The following FRMPD4 variants were observed in gnomAD, a reference collection of about 807,000 sequenced individuals.
The protein encoded by FRMPD4 is FERM and PDZ domain-containing protein 4.
Under a neutral mutation model 94.1 loss-of-function variants are expected in FRMPD4, and 22 were observed. The observed-to-expected ratio is 0.23, with a 90% confidence interval of 0.17 to 0.33. FRMPD4 has a LOEUF of 0.33. FRMPD4 is among the 10% of genes least tolerant of loss of function. The pLI, the probability that FRMPD4 is intolerant of heterozygous loss-of-function variation, is 1.00. For synonymous variants in FRMPD4, 631 were observed against 548.6 expected, an observed-to-expected ratio of 1.15 and a Z score of -2.10; for missense variants, 1,111 against 1,339.9, an observed-to-expected ratio of 0.83 and a Z score of 2.67.
At chrX:12,406,275 G>A (rs891569376) in intron 1 of FRMPD4, among the ~76,000 whole-genome samples, 1 of 111,565 alleles carries the variant, frequency 9.0e-6, no homozygotes, top group African/African-American at 3.3e-5. Flanking sequence ...CAGATTTTCA[G>A]GAAATTTTCT....
At chrX:12,027,624 C>A (rs2054668196) in intron 3 of FRMPD4, among the ~76,000 whole-genome samples, 1 of 110,869 alleles carries the variant, frequency 9.0e-6, no homozygotes, top group Non-Finnish European at 1.9e-5. Context: ...AAAAAAAAAT[C>A]AAATAAAAAT....
intron 3 of FRMPD4, among the ~76,000 whole-genome samples, chrX:12,052,828 A>G (rs944082314): frequency 1.4e-4 from 16 of 112,156 alleles, no homozygotes; most frequent in Non-Finnish European, 7.5e-5. Flanking sequence ...GACCTGTAAT[A>G]AATTAGCAAC....
intron 3 of FRMPD4, among the ~76,000 whole-genome samples, chrX:12,089,420 T>G (rs965098704): frequency 8.9e-6 from 1 of 112,404 alleles, no homozygotes; most frequent in Admixed American, 9.4e-5. Flanking sequence ...TATTGATCTG[T>G]AGTCCCATCA....
chrX:12,292,471 T>C (rs1278886119), intron 1 of FRMPD4, among the ~76,000 whole-genome samples: 1 of 111,194 alleles, frequency 9.0e-6, no homozygotes, highest in Non-Finnish European at 1.9e-5. Flanking sequence ...CACCATTTTA[T>C]AATGGTGGTA....
intron 1 of FRMPD4, among the ~76,000 whole-genome samples, chrX:12,278,839 CTG>C (rs2054481784): frequency 8.9e-6 from 1 of 112,135 alleles, no homozygotes; most frequent in African/African-American, 3.2e-5. Flanking sequence ...TGGAACAACT[CTG>C]TGGAACGTTC....
At chrX:12,630,043 C>G (rs1349044301) in intron 4 of FRMPD4, among the ~76,000 whole-genome samples, 1 of 112,505 alleles carries the variant, frequency 8.9e-6, no homozygotes, top group African/African-American at 3.2e-5. Context: ...TGGCAGTGAA[C>G]TTGACTTTGG....
At chrX:11,909,952 T>C (rs1398032119) in intron 3 of FRMPD4, among the ~76,000 whole-genome samples, 1 of 111,810 alleles carries the variant, frequency 8.9e-6, no homozygotes, top group East Asian at 2.8e-4. Flanking sequence ...CAAAATATGG[T>C]CTATATTGAT....
At chrX:12,534,064 C>T (rs1036759096) in intron 2 of FRMPD4, among the ~76,000 whole-genome samples, 3 of 112,744 alleles carry the variant, frequency 2.7e-5, no homozygotes, top group Non-Finnish European at 3.8e-5. Flanking sequence ...GCCCAGGGTT[C>T]CCGTGCTGTG....
chrX:12,621,259 A>C (rs1031870473), intron 4 of FRMPD4, among the ~76,000 whole-genome samples: 3 of 110,797 alleles, frequency 2.7e-5, no homozygotes, highest in East Asian at 2.8e-4. Flanking sequence ...AACAAACAAA[A>C]AAAACGACTG....
intron 4 of FRMPD4, among the ~76,000 whole-genome samples, chrX:12,646,272 A>G (rs1419037404): frequency 8.9e-6 from 1 of 111,996 alleles, no homozygotes; most frequent in African/African-American, 3.2e-5. Flanking sequence ...TGTAAGTCCT[A>G]TTAATATAAA....
chrX:12,395,515 A>G (rs1197399234), intron 1 of FRMPD4, among the ~76,000 whole-genome samples: 1 of 111,804 alleles, frequency 8.9e-6, no homozygotes, highest in South Asian at 3.7e-4. Flanking sequence ...TTCATTCACA[A>G]TACCTGGAAA....
chrX:12,522,603 T>TTC (rs1352203049), intron 2 of FRMPD4, among the ~76,000 whole-genome samples: 1 of 95,742 alleles, frequency 1.0e-5, no homozygotes, highest in African/African-American at 4.1e-5. Flanking sequence ...CCTTTTTTTT[T>TTC]TTTTTTTTTT....
chrX:12,310,871 T>C (rs2147907077), intron 1 of FRMPD4, among the ~76,000 whole-genome samples: 1 of 112,631 alleles, frequency 8.9e-6, no homozygotes, highest in South Asian at 3.7e-4. Context: ...CCTTGAACTT[T>C]CTTTCTGTTG....
At chrX:12,340,951 A>G (rs1018427920) in intron 1 of FRMPD4, among the ~76,000 whole-genome samples, 9 of 112,086 alleles carry the variant, frequency 8.0e-5, no homozygotes, top group African/African-American at 2.9e-4. Flanking sequence ...TACTGATAGC[A>G]TCCTGGAGTG....
chrX:12,525,621 A>G (rs1469876831), intron 2 of FRMPD4, among the ~76,000 whole-genome samples: 1 of 112,535 alleles, frequency 8.9e-6, no homozygotes, highest in South Asian at 3.7e-4. Flanking sequence ...TTCATGTACA[A>G]GTCTTTGCAT....
chrX:12,434,832 G>A (rs2057047325), intron 1 of FRMPD4, among the ~76,000 whole-genome samples: 1 of 112,114 alleles, frequency 8.9e-6, no homozygotes, highest in African/African-American at 3.2e-5. Context: ...TTTTAGTTTG[G>A]GTGCAAATAT....
At chrX:12,428,187 T>A (rs1165580603) in intron 1 of FRMPD4, among the ~76,000 whole-genome samples, 1 of 111,095 alleles carries the variant, frequency 9.0e-6, no homozygotes, top group Non-Finnish European at 1.9e-5. Flanking sequence ...TCCATTTTAA[T>A]CACATTTTAA....
intron 1 of FRMPD4, among the ~76,000 whole-genome samples, chrX:12,374,687 C>T (rs2056210264): frequency 9.0e-6 from 1 of 111,729 alleles, no homozygotes; most frequent in East Asian, 2.8e-4. Context: ...CAGGGCCATG[C>T]AAGCGCAGGG....
chrX:12,122,386 A>G (rs1300183364), intron 3 of FRMPD4, among the ~76,000 whole-genome samples: 1 of 111,971 alleles, frequency 8.9e-6, no homozygotes, highest in African/African-American at 3.2e-5. Flanking sequence ...TTATGGCTTC[A>G]TCCTTCTGTA....
Sources: gnomAD v4.1 joint callset for allele counts (sites outside exome capture counted in the v4.1 genomes callset) on GRCh38, gnomAD v4.1.1 for gene constraint, MANE v1.5 for transcripts, NCBI Gene and HGNC (gene_info 2026-07-23, HGNC 2026-07-21) for gene names.